KIAA1217: variants seen among roughly 807,000 people sequenced by gnomAD.
The protein encoded by KIAA1217 is sickle tail protein homolog.
A neutral mutation model predicts 163.9 loss-of-function variants in KIAA1217; 88 were observed. The ratio of observed to expected loss-of-function variants is 0.54; its 90% CI spans 0.45 to 0.64. The LOEUF is 0.64. Among genes scored for constraint, KIAA1217 ranks in the 30% least tolerant of loss-of-function variants. The pLI is 0.00. For missense variants in KIAA1217, 2,372 were observed against 2,475.0 expected, an observed-to-expected ratio of 0.96 and a Z score of 0.88; for synonymous variants, 903 against 923.1, an observed-to-expected ratio of 0.98 and a Z score of 0.39.
intron 11 of KIAA1217, 125 bp from the exon 12 acceptor site, chr10:24,521,657 G>C (rs1487104805): frequency 3.4e-6 from 4 of 1,166,610 alleles, no homozygotes; most frequent in Non-Finnish European, 4.9e-6. Context: ...ACTGCCACCT[G>C]AAGATGTGTG....
intron 5 of KIAA1217, among the ~76,000 whole-genome samples, chr10:24,463,182 A>G (rs1030196720): frequency 2.0e-5 from 3 of 152,246 alleles, no homozygotes; most frequent in Non-Finnish European, 4.4e-5. Context: ...TCCATCCTAC[A>G]GCACTGCACA....
At chr10:23,715,597 G>C (rs1564361263) in intron 1 of KIAA1217, among the ~76,000 whole-genome samples, 1 of 152,114 alleles carries the variant, frequency 6.6e-6, no homozygotes, top group Non-Finnish European at 1.5e-5. Flanking sequence ...GACTCACCAT[G>C]TAAAGTTTCA....
At chr10:23,940,943 A>G in intron 1 of KIAA1217, among the ~76,000 whole-genome samples, 1 of 152,178 alleles carries the variant, frequency 6.6e-6, no homozygotes, top group East Asian at 1.9e-4. Context: ...TCTGTTTATG[A>G]CTGTGCCAAA....
rs150820155 is a variant in KIAA1217, at chr10:24,016,512, T to G, written c.-171+9138T>G. ...CTAACTTACAGAGTCAGCCAGGTTG[T>G]TAGATTTAACAAAGATGTCAACACA... On this transcript the variant is annotated intron_variant, in intron 2 of 18. Transcript: ENST00000376462. Among the ~76,000 whole-genome samples the G allele has an allele frequency of 4.6e-3, 700 of 152,254 alleles. 6 individuals are homozygous for G. Among genetic ancestry groups the G allele is most frequent in the African/African-American group, 0.016 (653 of 41,568 alleles).
At chr10:23,902,084 A>T (rs1841981119) in intron 1 of KIAA1217, among the ~76,000 whole-genome samples, 1 of 152,054 alleles carries the variant, frequency 6.6e-6, no homozygotes, top group African/African-American at 2.4e-5. Flanking sequence ...TCCCATGCTG[A>T]TGAGTCTAGC....
At chr10:24,536,443 T>C (rs1053207211) in intron 16 of KIAA1217, among the ~76,000 whole-genome samples, 1 of 152,226 alleles carries the variant, frequency 6.6e-6, no homozygotes, top group Non-Finnish European at 1.5e-5. Context: ...TTTATTTACA[T>C]ATTGAGCATT....
chr10:24,020,531 C>A (rs7904211), intron 2 of KIAA1217, among the ~76,000 whole-genome samples: 6 of 151,990 alleles, frequency 3.9e-5, no homozygotes, highest in African/African-American at 1.4e-4. Flanking sequence ...TTGGGAAGCA[C>A]GGGTGCCTTT....
intron 2 of KIAA1217, among the ~76,000 whole-genome samples, chr10:24,155,588 A>G (rs998704458): frequency 6.6e-6 from 1 of 152,154 alleles, no homozygotes; most frequent in Non-Finnish European, 1.5e-5. Flanking sequence ...TAGGAGGCCG[A>G]GGTGGGCGGA....
At chr10:23,934,686 C>T (rs1324222595) in intron 1 of KIAA1217, among the ~76,000 whole-genome samples, 1 of 142,622 alleles carries the variant, frequency 7.0e-6, no homozygotes, top group African/African-American at 2.6e-5. Context: ...GGCACAATTT[C>T]GGCTCACTGC....
intron 1 of KIAA1217, among the ~76,000 whole-genome samples, chr10:23,837,767 C>A (rs1331172293): frequency 6.6e-6 from 1 of 152,092 alleles, no homozygotes; most frequent in Non-Finnish European, 1.5e-5. Context: ...TCTTGAACTC[C>A]TGGGCTCAAT....
intron 1 of KIAA1217, among the ~76,000 whole-genome samples, chr10:23,949,849 G>A (rs989645015): frequency 2.0e-5 from 3 of 152,142 alleles, no homozygotes; most frequent in African/African-American, 7.2e-5. Context: ...GTATTATGAA[G>A]TGAATACGGT....
intron 1 of KIAA1217, among the ~76,000 whole-genome samples, chr10:23,828,575 T>TG (rs1300829846): frequency 6.6e-6 from 1 of 152,240 alleles, no homozygotes; most frequent in African/African-American, 2.4e-5. Flanking sequence ...AAGAGGAAGC[T>TG]GTGTTCCAAA....
At chr10:23,943,566 T>G (rs1843874190) in intron 1 of KIAA1217, among the ~76,000 whole-genome samples, 1 of 152,230 alleles carries the variant, frequency 6.6e-6, no homozygotes, top group Non-Finnish European at 1.5e-5. Flanking sequence ...ATAGATTTGG[T>G]GCAATTTTGA....
intron 2 of KIAA1217, among the ~76,000 whole-genome samples, chr10:24,301,028 G>C (rs1054919086): frequency 6.6e-6 from 1 of 152,156 alleles, no homozygotes; most frequent in Non-Finnish European, 1.5e-5. Context: ...GGCCAAGCCT[G>C]TCTTGAACTC....
At chr10:24,254,970 C>T (rs1387440942) in intron 2 of KIAA1217, among the ~76,000 whole-genome samples, 4 of 151,972 alleles carry the variant, frequency 2.6e-5, no homozygotes, top group African/African-American at 9.7e-5. Flanking sequence ...TCTCCTGCCT[C>T]AGCCTCCCAA....
In KIAA1217 at chr10:24,224,747, T is replaced by C. The variant is rs1029160585; in HGVS notation, c.354+4838T>C. On this transcript the variant is annotated intron_variant, in intron 2 of 20. Coordinates refer to ENST00000376454, the MANE Select transcript of KIAA1217 (RefSeq NM_019590.5). ...GTTTCACTGGCAGCTTTTAGCGTGA[T>C]AATATTCTGGTTTTTAGTGTCCCAA... 2.0e-5 allele frequency among the ~76,000 whole-genome samples: 3 copies of C among 152,214 alleles called. No homozygotes were observed. In the East Asian group the frequency reaches 5.8e-4, roughly 29 times the overall value.
At chr10:24,156,303 T>C (rs2064872697) in intron 2 of KIAA1217, among the ~76,000 whole-genome samples, 1 of 152,230 alleles carries the variant, frequency 6.6e-6, no homozygotes. Flanking sequence ...CAATAATTCA[T>C]TTCTTTTTAC....
chr10:23,876,903 G>A (rs1037816144), intron 1 of KIAA1217, among the ~76,000 whole-genome samples: 2 of 151,958 alleles, frequency 1.3e-5, no homozygotes, highest in Non-Finnish European at 2.9e-5. Flanking sequence ...TCGGTTTAGG[G>A]TGAGCGGTGT....
rs1159169548 is a variant in KIAA1217 at position 24,544,364 on chromosome 10, T to C, written c.5094T>C (p.Asp1698=). The C allele has an allele frequency of 1.2e-6, 2 of 1,614,046 alleles. No individual in the cohort carries two copies. The highest frequency in any genetic ancestry group is 1.7e-5 in the Admixed American group (1 of 60,010). Residue 1698 remains aspartate, a synonymous_variant, in exon 19 of 21, where the codon GAT becomes GAC. Coordinates refer to ENST00000376454, the MANE Select transcript of KIAA1217 (RefSeq NM_019590.5). ...LVDTSCSSNR[D]SVASSSHIAQ... ...ATACCTCATGTTCTTCCAACAGAGA[T>C]TCTGTTGCAAGTTCATCCCACATAG...
Sources: gnomAD v4.1 joint callset for allele counts (sites outside exome capture counted in the v4.1 genomes callset) on GRCh38, gnomAD v4.1.1 for gene constraint, MANE v1.5 for transcripts, NCBI Gene and HGNC (gene_info 2026-07-23, HGNC 2026-07-21) for gene names.